The following CCDC6 variants were observed in gnomAD, a reference collection of about 807,000 sequenced individuals.
CCDC6 encodes the protein coiled-coil domain-containing protein 6.
In CCDC6, 20 loss-of-function variants were observed where a neutral mutation model predicts 56.6. That is an observed-to-expected ratio of 0.35 (90% CI 0.25 to 0.51). The LOEUF is 0.51. Ranked by LOEUF, CCDC6 falls within the 20% of genes least tolerant of loss-of-function variation. The probability of loss-of-function intolerance (pLI) is 0.95; values close to 1 mark genes in which losing one functional copy is unlikely to be tolerated. For synonymous variants in CCDC6, 241 were observed against 234.4 expected (o/e 1.03, Z -0.26); for missense variants, 367 against 601.1 (o/e 0.61, Z 4.07).
chr10:59,790,355 G>C lies in CCDC6; in HGVS notation c.*2562C>G, dbSNP rs545017664. 1 of 218,136 alleles carries C rather than the reference G, an allele frequency of 4.6e-6. No homozygotes were observed. The highest frequency in any genetic ancestry group is 2.2e-5 in the African/African-American group (1 of 44,520). The allele number at this position is 218,136 out of a possible 1,614,324, so 13.5% of individuals were successfully genotyped here. On this transcript the variant is annotated 3_prime_UTR_variant, in exon 9 of 9. Coordinates refer to ENST00000263102, the MANE Select transcript of CCDC6 (RefSeq NM_005436.5). ...GCCAATCCAGGGCTCACCTGGGAGA[G>C]TGGGTAACAGAATGGCAGGAACCAT... is the stretch of plus-strand genomic sequence containing the variant.
At chr10:59,900,891 T>C (rs2071499946) in intron 1 of CCDC6, among the ~76,000 whole-genome samples, 1 of 152,058 alleles carries the variant, frequency 6.6e-6, no homozygotes, top group African/African-American at 2.4e-5. Flanking sequence ...AAACACCACC[T>C]CCACTAAAAA....
At chr10:59,806,791 G>T in intron 6 of CCDC6, 131 bp downstream of exon 6, 1 of 657,312 alleles carries the variant, frequency 1.5e-6, no homozygotes, top group Non-Finnish European at 2.5e-6. Context: ...TAACGCAGTG[G>T]CATTCATTAG....
At chr10:59,895,824 A>G (rs1484687158) in intron 1 of CCDC6, among the ~76,000 whole-genome samples, 2 of 152,184 alleles carry the variant, frequency 1.3e-5, no homozygotes, top group African/African-American at 4.8e-5. Context: ...TGGAAAGCCT[A>G]ACAGTGTGAT....
intron 3 of CCDC6, among the ~76,000 whole-genome samples, chr10:59,824,906 G>A (rs2070775755): frequency 6.6e-6 from 1 of 152,158 alleles, no homozygotes; most frequent in African/African-American, 2.4e-5. Context: ...TACAAAGTAT[G>A]CATGGTAGTC....
intron 3 of CCDC6, among the ~76,000 whole-genome samples, chr10:59,825,690 T>C (rs542946048): frequency 6.6e-6 from 1 of 152,300 alleles, no homozygotes; most frequent in East Asian, 1.9e-4. Context: ...GAACTGGCTA[T>C]GATGTCAGTT....
At chr10:59,869,487 T>C (rs1231866463) in intron 1 of CCDC6, among the ~76,000 whole-genome samples, 1 of 149,462 alleles carries the variant, frequency 6.7e-6, no homozygotes, top group Non-Finnish European at 1.5e-5. Flanking sequence ...GAAGTAAGCC[T>C]TGGTTTTCTT....
intron 2 of CCDC6, among the ~76,000 whole-genome samples, chr10:59,842,694 T>C (rs1359663646): frequency 6.6e-6 from 1 of 152,156 alleles, no homozygotes; most frequent in Non-Finnish European, 1.5e-5. Flanking sequence ...AAGGTTATGT[T>C]ACCCTTAAAA....
intron 2 of CCDC6, among the ~76,000 whole-genome samples, chr10:59,840,173 T>C (rs2070924219): frequency 6.6e-6 from 1 of 152,180 alleles, no homozygotes; most frequent in South Asian, 2.1e-4. Context: ...TTCTTCTACA[T>C]ATCTGGTACA....
intron 2 of CCDC6, among the ~76,000 whole-genome samples, chr10:59,833,683 G>T: frequency 6.8e-6 from 1 of 146,688 alleles, no homozygotes; most frequent in Admixed American, 7.0e-5. Flanking sequence ...GGGTTGGCCT[G>T]ATGTTTCAGA....
chr10:59,794,545 A>G lies in CCDC6; in HGVS notation c.1158T>C (p.Thr386=). 6.2e-7 allele frequency: 1 copy of G among 1,614,046 alleles called. No individual in the cohort carries two copies. The highest frequency in any genetic ancestry group is 1.1e-5 in the South Asian group (1 of 91,084). ...TVGFTPPTSL[T]RAGMSYYNSP... The stretch of plus-strand genomic sequence containing the variant: ...AATTGTAATAAGACATTCCAGCTCT[A>G]GTCAGTGAAGTTGGTGGCGTGAAAC... Residue 386 remains threonine, a synonymous_variant, in exon 8 of 9, where the codon ACT becomes ACC. Coordinates refer to ENST00000263102, the MANE Select transcript of CCDC6 (RefSeq NM_005436.5).
intron 7 of CCDC6, among the ~76,000 whole-genome samples, chr10:59,801,331 T>C (rs574670408): frequency 3.3e-5 from 5 of 152,282 alleles, no homozygotes; most frequent in African/African-American, 9.6e-5. Flanking sequence ...CTATCTGATC[T>C]GGCTTCTTTC....
chr10:59,829,697 C>T (rs2070819038), intron 3 of CCDC6, among the ~76,000 whole-genome samples: 1 of 152,092 alleles, frequency 6.6e-6, no homozygotes, highest in Admixed American at 6.6e-5. Context: ...ATGAAATGTC[C>T]AGAATAGGCA....
At chr10:59,888,318 C>G (rs1564758289) in intron 1 of CCDC6, among the ~76,000 whole-genome samples, 1 of 152,236 alleles carries the variant, frequency 6.6e-6, no homozygotes, top group Admixed American at 6.5e-5. Context: ...GCACAGGATG[C>G]CTCACTTCAG....
intron 1 of CCDC6, among the ~76,000 whole-genome samples, chr10:59,893,129 G>T (rs1320008046): frequency 3.9e-5 from 6 of 152,194 alleles, no homozygotes; most frequent in Non-Finnish European, 8.8e-5. Context: ...CCATTTATAT[G>T]AAGTTCAAAC....
intron 7 of CCDC6, among the ~76,000 whole-genome samples, chr10:59,795,327 T>TA (rs2070504825): frequency 6.6e-6 from 1 of 152,208 alleles, no homozygotes; most frequent in South Asian, 2.1e-4. Context: ...CACATTTCTC[T>TA]AAAAAAGATA....
chr10:59,887,481 TAAA>T (rs60170273), intron 1 of CCDC6, among the ~76,000 whole-genome samples: 3 of 136,566 alleles, frequency 2.2e-5, no homozygotes, highest in African/African-American at 2.7e-5. Flanking sequence ...ATGCAACTGT[TAAA>T]AAAAAAAAAA....
chr10:59,849,164 G>T (rs1483711206), intron 2 of CCDC6, among the ~76,000 whole-genome samples: 2 of 152,202 alleles, frequency 1.3e-5, no homozygotes, highest in African/African-American at 4.8e-5. Flanking sequence ...AAAAGTAAGA[G>T]AGTTCTTTTT....
chr10:59,833,294 T>C (rs867043086), intron 2 of CCDC6, among the ~76,000 whole-genome samples: 50 of 152,100 alleles, frequency 3.3e-4, no homozygotes, highest in Middle Eastern at 6.8e-3. Context: ...ACTAAAAATA[T>C]GAAAGTCAGC....
rs59353306 is a variant in CCDC6, at chr10:59,836,052, T to TAAAA, written c.454-3403_454-3400dup. 5.6e-3 allele frequency among the ~76,000 whole-genome samples: 322 copies of TAAAA among 57,526 alleles called. 13 individuals carry two copies. Among genetic ancestry groups the TAAAA allele is most frequent in the African/African-American group, 0.017 (257 of 15,214 alleles). The allele number at this position is 57,526 out of a possible 152,430, so 37.7% of individuals were successfully genotyped here. ...CTGGGTGACAGACTGCGACCCTGTCTAAAAAAAAAAAAAAAAAAAAAAGCT... is the reference window on the plus strand; with the variant it reads ...CTGGGTGACAGACTGCGACCCTGTCTAAAAAAAAAAAAAAAAAAAAAAAAAAGCT... On this transcript the variant is annotated intron_variant, in intron 2 of 8. Transcript: ENST00000263102.
Sources: gnomAD v4.1 joint callset for allele counts (sites outside exome capture counted in the v4.1 genomes callset) on GRCh38, gnomAD v4.1.1 for gene constraint, MANE v1.5 for transcripts, NCBI Gene and HGNC (gene_info 2026-07-23, HGNC 2026-07-21) for gene names.